The following CPAP variants were observed in gnomAD, a reference collection of about 807,000 sequenced individuals.
CPAP encodes centrosomal P4.1-associated protein.
chr13:24,912,341 T>C, the CPAP span, among the ~76,000 whole-genome samples: 1 of 152,240 alleles, frequency 6.6e-6, no homozygotes, highest in Non-Finnish European at 1.5e-5. Flanking sequence ...CATCCAATTT[T>C]TTCCCCTAAT....
the CPAP span, chr13:24,933,014 G>A: frequency 1.0e-4 from 161 of 1,582,738 alleles, no homozygotes; most frequent in Non-Finnish European, 1.3e-4. Context: ...ATGGTGATGG[G>A]AATCTTTGCA....
chr13:24,886,249 AGCAAGT>A, the CPAP span: 1 of 1,195,986 alleles, frequency 8.4e-7, no homozygotes, highest in Middle Eastern at 2.2e-4. Context: ...AAGGGTCTCG[AGCAAGT>A]GCCAGAATCT....
chr13:24,912,972 G>T, the CPAP span: 3 of 1,614,018 alleles, frequency 1.9e-6, no homozygotes, highest in African/African-American at 2.7e-5. Flanking sequence ...TCATCCACTG[G>T]GTTAGGAAGT....
chr13:24,906,396 C>G, the CPAP span: 1 of 1,612,884 alleles, frequency 6.2e-7, no homozygotes, highest in Non-Finnish European at 8.5e-7. Context: ...GATTCAGACT[C>G]TTTCATGGTC....
the CPAP span, chr13:24,885,659 G>A: frequency 1.2e-5 from 19 of 1,611,656 alleles, no homozygotes; most frequent in African/African-American, 4.0e-5. Flanking sequence ...TTGGATCTTC[G>A]AGGTGGATTG....
the CPAP span, among the ~76,000 whole-genome samples, chr13:24,898,457 A>C: frequency 6.6e-6 from 1 of 152,306 alleles, no homozygotes; most frequent in African/African-American, 2.4e-5. Flanking sequence ...AGGTGGCCGG[A>C]GCAAGGGTTG....
chr13:24,919,424 C>CT, the CPAP span, among the ~76,000 whole-genome samples: 66 of 148,068 alleles, frequency 4.5e-4, no homozygotes, highest in Middle Eastern at 3.5e-3. Context: ...ATTTTTTAAT[C>CT]TTTTTTTTTT....
the CPAP span, chr13:24,912,808 G>C: frequency 3.7e-6 from 6 of 1,613,902 alleles, no homozygotes; most frequent in Non-Finnish European, 5.1e-6. Context: ...TTCAAGAAGT[G>C]AATCTTCTTC....
chr13:24,905,344 A>G, the CPAP span: 2 of 1,613,314 alleles, frequency 1.2e-6, no homozygotes, highest in South Asian at 2.2e-5. Context: ...GCTCTGACTC[A>G]CCAGGTGGTT....
At chr13:24,886,163 C>G in the CPAP span, 1 of 499,858 alleles carries the variant, frequency 2.0e-6, no homozygotes, top group South Asian at 1.6e-5. Flanking sequence ...AGGTGAATCT[C>G]TCTCTAAAAA....
chr13:24,893,572 C>G, the CPAP span, among the ~76,000 whole-genome samples: 3 of 152,226 alleles, frequency 2.0e-5, no homozygotes, highest in East Asian at 5.8e-4. Context: ...TGGGCCCCAC[C>G]ACAGAGGGTG....
the CPAP span, chr13:24,886,433 A>G: frequency 8.8e-7 from 1 of 1,133,964 alleles, no homozygotes; most frequent in Non-Finnish European, 1.2e-6. Flanking sequence ...TCACTGATTT[A>G]TAGGTCCCAA....
the CPAP span, among the ~76,000 whole-genome samples, chr13:24,896,361 C>T: frequency 6.6e-6 from 1 of 152,244 alleles, no homozygotes; most frequent in African/African-American, 2.4e-5. Flanking sequence ...CCAGAGCTGC[C>T]AGCAGTGAGG....
At chr13:24,928,727 G>A in the CPAP span, among the ~76,000 whole-genome samples, 9 of 152,176 alleles carry the variant, frequency 5.9e-5, no homozygotes, top group African/African-American at 2.2e-4. Context: ...ACCACACCTG[G>A]CCAGTAAAGA....
the CPAP span, among the ~76,000 whole-genome samples, chr13:24,888,361 AAC>A: frequency 7.9e-5 from 12 of 151,986 alleles, no homozygotes; most frequent in Non-Finnish European, 1.8e-4. Flanking sequence ...TATAAGGAGA[AAC>A]ACACACACAC....
the CPAP span, chr13:24,911,858 A>G: frequency 6.6e-7 from 1 of 1,515,610 alleles, no homozygotes; most frequent in Admixed American, 1.7e-5. Flanking sequence ...TTCACAACAC[A>G]TGATACAGGA....
chr13:24,907,136 T>C, the CPAP span: 2 of 1,614,004 alleles, frequency 1.2e-6, no homozygotes, highest in East Asian at 2.2e-5. Context: ...ACTGAATTTG[T>C]TCTTCTAAGT....
At chr13:24,910,241 T>A in the CPAP span, among the ~76,000 whole-genome samples, 2 of 152,230 alleles carry the variant, frequency 1.3e-5, no homozygotes, top group African/African-American at 2.4e-5. Context: ...CCATTGATTG[T>A]TTGAGACAGT....
At chr13:24,912,892 C>T in the CPAP span, 21 of 1,614,030 alleles carry the variant, frequency 1.3e-5, no homozygotes, top group African/African-American at 5.3e-5. Context: ...CACAGCTGCT[C>T]GCTTCTCTTT....
Sources: allele counts gnomAD v4.1 joint callset (sites outside exome capture counted in the v4.1 genomes callset), GRCh38; gene constraint gnomAD v4.1.1; transcripts MANE v1.5; gene names NCBI Gene and HGNC (gene_info 2026-07-23, HGNC 2026-07-21).